Variants in FHIT observed in about 807,000 individuals in gnomAD.
FHIT encodes bis(5'-adenosyl)-triphosphatase.
Under a neutral mutation model 17.9 loss-of-function variants are expected in FHIT, and 19 were observed. That is an observed-to-expected ratio of 1.06 (90% confidence interval 0.74 to 1.56). The LOEUF is 1.56. Ranked by LOEUF, FHIT falls within the 40% of genes most tolerant of loss-of-function variation. FHIT has a pLI of 0.00. For missense variants in FHIT, 248 were observed against 189.2 expected (o/e 1.31, Z -1.82); for synonymous variants, 81 against 69.7 (o/e 1.16, Z -0.81).
At chr3:60,014,666 G>C (rs1028088414) in intron 5 of FHIT, among the ~76,000 whole-genome samples, 2 of 152,188 alleles carry the variant, frequency 1.3e-5, no homozygotes, top group African/African-American at 4.8e-5. Flanking sequence ...ATTTTTAAAA[G>C]AGTATAGACA....
chr3:60,858,092 A>G (rs1331951460), intron 3 of FHIT, among the ~76,000 whole-genome samples: 1 of 152,200 alleles, frequency 6.6e-6, no homozygotes, highest in Non-Finnish European at 1.5e-5. Context: ...TGTCTTGGTC[A>G]CTACTCCAGC....
chr3:60,758,385 G>C lies in FHIT; in HGVS notation c.-18+63534C>G, dbSNP rs185866256. Among the ~76,000 whole-genome samples the C allele has an allele frequency of 2.4e-3, 358 of 152,276 alleles. 2 individuals carry two copies. Among genetic ancestry groups the C allele is most frequent in the South Asian group, 0.013 (65 of 4,818 alleles). Reference sequence around the variant, plus strand: ...GTATGGATGCCATCTGTTTCCTGTGGGGCTGACTGATACAGGAAGAGAGAA... The same window carrying C: ...GTATGGATGCCATCTGTTTCCTGTGCGGCTGACTGATACAGGAAGAGAGAA... On this transcript the variant is annotated intron_variant, in intron 4 of 9. Transcript: ENST00000492590.
chr3:60,811,417 A>T (rs1701567844), intron 4 of FHIT, among the ~76,000 whole-genome samples: 1 of 152,230 alleles, frequency 6.6e-6, no homozygotes, highest in Non-Finnish European at 1.5e-5. Context: ...TTACAAGAAT[A>T]TGAAACTACT....
At chr3:60,327,035 C>T (rs1709725831) in intron 5 of FHIT, among the ~76,000 whole-genome samples, 2 of 152,130 alleles carry the variant, frequency 1.3e-5, no homozygotes, top group Admixed American at 6.6e-5. Flanking sequence ...TCCAGGTCTC[C>T]TCCTCATGGA....
intron 7 of FHIT, among the ~76,000 whole-genome samples, chr3:59,947,620 C>T (rs1178860451): frequency 1.3e-5 from 2 of 152,132 alleles, no homozygotes; most frequent in Admixed American, 6.5e-5. Flanking sequence ...CTTAGCTCAG[C>T]ACTCCTGGGG....
chr3:60,623,288 G>T (rs1449823953), intron 4 of FHIT, among the ~76,000 whole-genome samples: 1 of 152,154 alleles, frequency 6.6e-6, no homozygotes, highest in Non-Finnish European at 1.5e-5. Flanking sequence ...TGCAGCTCAA[G>T]AAAGAACTGT....
chr3:60,141,398 A>C (rs962508712), intron 5 of FHIT, among the ~76,000 whole-genome samples: 2 of 152,032 alleles, frequency 1.3e-5, no homozygotes, highest in Admixed American at 1.3e-4. Flanking sequence ...AAAAAAAAAA[A>C]AACACTGAAG....
chr3:60,115,572 G>C (rs894368460), intron 5 of FHIT, among the ~76,000 whole-genome samples: 3 of 152,116 alleles, frequency 2.0e-5, no homozygotes, highest in Admixed American at 6.5e-5. Context: ...TTTATTCATA[G>C]CGTTCTGGCA....
chr3:60,488,129 C>T (rs751854208), intron 5 of FHIT, among the ~76,000 whole-genome samples: 218 of 152,220 alleles, frequency 1.4e-3, no homozygotes, highest in Non-Finnish European at 2.6e-3. Context: ...AATGGTCTTA[C>T]GATTTAAATA....
At chr3:59,956,485 T>G (rs923703362) in intron 7 of FHIT, among the ~76,000 whole-genome samples, 2 of 152,174 alleles carry the variant, frequency 1.3e-5, no homozygotes, top group African/African-American at 2.4e-5. Context: ...CTGGCCAACA[T>G]GGTGAAACCT....
At chr3:59,958,798 A>G (rs972178307) in intron 7 of FHIT, among the ~76,000 whole-genome samples, 4 of 151,668 alleles carry the variant, frequency 2.6e-5, no homozygotes, top group Admixed American at 2.6e-4. Context: ...CTCTTCCCTC[A>G]CTCTTGCTCT....
chr3:59,999,667 C>T (rs1699653165), intron 7 of FHIT, among the ~76,000 whole-genome samples: 1 of 152,008 alleles, frequency 6.6e-6, no homozygotes, highest in Non-Finnish European at 1.5e-5. Context: ...TGCAGTGGTG[C>T]AATTTCAGCT....
intron 7 of FHIT, among the ~76,000 whole-genome samples, chr3:60,002,818 T>A (rs993996430): frequency 6.6e-6 from 1 of 152,128 alleles, no homozygotes; most frequent in Non-Finnish European, 1.5e-5. Flanking sequence ...TAATTTGAGA[T>A]GAGTATCAAG....
chr3:61,077,945 G>A (rs1399610025), intron 2 of FHIT, among the ~76,000 whole-genome samples: 1 of 152,136 alleles, frequency 6.6e-6, no homozygotes, highest in Non-Finnish European at 1.5e-5. Context: ...GTCAAGGAGA[G>A]CCATAGGAGG....
intron 1 of FHIT, among the ~76,000 whole-genome samples, chr3:61,210,610 G>A (rs2039431652): frequency 6.6e-6 from 1 of 152,220 alleles, no homozygotes; most frequent in Non-Finnish European, 1.5e-5. Flanking sequence ...CGAGCCATGT[G>A]CGGTATATAA....
intron 7 of FHIT, among the ~76,000 whole-genome samples, chr3:59,984,116 G>A (rs532940225): frequency 1.3e-5 from 2 of 152,136 alleles, no homozygotes; most frequent in South Asian, 4.2e-4. Flanking sequence ...ACTGAGAATT[G>A]GGCATGCTGC....
intron 1 of FHIT, among the ~76,000 whole-genome samples, chr3:61,218,312 A>C (rs2039742511): frequency 6.6e-6 from 1 of 152,164 alleles, no homozygotes; most frequent in Non-Finnish European, 1.5e-5. Flanking sequence ...GATTCACAGA[A>C]AGGTCAAGCA....
At chr3:59,926,448 C>T (rs1705664867) in intron 7 of FHIT, among the ~76,000 whole-genome samples, 1 of 152,186 alleles carries the variant, frequency 6.6e-6, no homozygotes, top group South Asian at 2.1e-4. Flanking sequence ...AATGACTATA[C>T]ATTCTAATTT....
At chr3:60,168,352 C>T (rs939269583) in intron 5 of FHIT, among the ~76,000 whole-genome samples, 9 of 152,156 alleles carry the variant, frequency 5.9e-5, no homozygotes, top group African/African-American at 1.9e-4. Flanking sequence ...CTATTAACAG[C>T]GTCCATGAGC....
Sources: gnomAD v4.1 joint callset for allele counts (sites outside exome capture counted in the v4.1 genomes callset) on GRCh38, gnomAD v4.1.1 for gene constraint, MANE v1.5 for transcripts, NCBI Gene and HGNC (gene_info 2026-07-23, HGNC 2026-07-21) for gene names.